The following ADCY10 variants were observed in gnomAD, a reference collection of about 807,000 sequenced individuals.
The protein encoded by ADCY10 is adenylate cyclase 10.
A neutral mutation model predicts 183.3 loss-of-function variants in ADCY10; 156 were observed. The ratio of observed to expected loss-of-function variants is 0.85; its 90% CI spans 0.75 to 0.97. The LOEUF (loss-of-function observed/expected upper bound fraction) is 0.97, where lower values mean the gene tolerates loss of function less well. Ranked by LOEUF, ADCY10 falls within the 50% of genes least tolerant of loss-of-function variation. The pLI, the probability that ADCY10 is intolerant of heterozygous loss-of-function variation, is 0.00. For missense variants in ADCY10, 1,745 were observed against 1,934.3 expected (o/e 0.90, Z 1.84); for synonymous variants, 645 against 670.0 (o/e 0.96, Z 0.58).
At chr1:167,910,323 C>A (rs1230870555) in intron 1 of ADCY10, among the ~76,000 whole-genome samples, 1 of 152,208 alleles carries the variant, frequency 6.6e-6, no homozygotes, top group East Asian at 1.9e-4. Context: ...GACTGAAGTT[C>A]ATTGACCTCT....
Position 167,854,365 on chromosome 1 carries a change from T to A in ADCY10, c.2296A>T (p.Asn766Tyr). Residue 766 changes from asparagine to tyrosine, a missense_variant, in exon 18 of 33, where the codon AAT becomes TAT. Transcript: ENST00000367851. ...ESEEKTNRTW[N>Y]NLFKYSIKLT... is the part of the protein sequence containing the mutation. ...CCGCAGGACTTACTGAACAGGTTATTCCAGGTCCTATTTGTCTTTTCCTCA... is the reference window on the plus strand; with the variant it reads ...CCGCAGGACTTACTGAACAGGTTATACCAGGTCCTATTTGTCTTTTCCTCA... The A allele has an allele frequency of 6.2e-7, 1 of 1,614,178 alleles. No individual in the cohort carries two copies. Among genetic ancestry groups the A allele is most frequent in the South Asian group, 1.1e-5 (1 of 91,082 alleles).
chr1:167,874,355 T>A (rs1667307505), intron 13 of ADCY10, among the ~76,000 whole-genome samples: 1 of 151,432 alleles, frequency 6.6e-6, no homozygotes, highest in Non-Finnish European at 1.5e-5. Context: ...AATAAATAAA[T>A]CCAAATGGCC....
intron 14 of ADCY10, among the ~76,000 whole-genome samples, chr1:167,868,904 C>G (rs1007232835): frequency 1.3e-5 from 2 of 152,144 alleles, no homozygotes; most frequent in Non-Finnish European, 2.9e-5. Context: ...ACTAATAAAA[C>G]CAGTCAAGCC....
rs367578457 is a variant in ADCY10 at position 167,854,494 on chromosome 1, A to G, written c.2172-5T>C. On this transcript the variant is annotated splice_region_variant and splice_polypyrimidine_tract_variant and intron_variant, in intron 17 of 32. Coordinates refer to ENST00000367851, the MANE Select transcript of ADCY10 (RefSeq NM_018417.6). ...CAGCTTCCCTCCCCCAGGTACCTGT[A>G]GTGAAAACAAGGCAATCTGTTTACA... The G allele has an allele frequency of 6.2e-7, 1 of 1,614,084 alleles. No homozygotes were observed. Among genetic ancestry groups the G allele is most frequent in the African/African-American group, 1.3e-5 (1 of 74,944 alleles).
At position 167,833,163 on chromosome 1, in the gene ADCY10, C is replaced by A. The variant is rs1420436125; in HGVS notation, c.3418-1G>T. ...CTATCTGGCCCATATTGAAACAGAC[C>A]TACAGGGAGGTGGGAGGGAAGAGAG... is the stretch of plus-strand genomic sequence containing the variant. On this transcript the variant is annotated splice_acceptor_variant, in intron 24 of 32. Transcript: ENST00000367851. LOFTEE classifies it high-confidence loss of function. 3 of 1,613,816 alleles carry A rather than the reference C, an allele frequency of 1.9e-6. No individual in the cohort carries two copies. The Admixed American group carries it at 5.0e-5, about 27-fold the overall frequency.
chr1:167,898,838 A>G (rs1669193932), intron 6 of ADCY10, among the ~76,000 whole-genome samples: 1 of 152,052 alleles, frequency 6.6e-6, no homozygotes, highest in East Asian at 1.9e-4. Flanking sequence ...ATCTAGCAGC[A>G]CACCTTTCTT....
chr1:167,817,894 C>A, intron 31 of ADCY10, among the ~76,000 whole-genome samples, 178 bp downstream of exon 31: 1 of 152,164 alleles, frequency 6.6e-6, no homozygotes, highest in East Asian at 1.9e-4. Flanking sequence ...AAGTACTTAT[C>A]TCTGAGTAGT....
At position 167,856,186 on chromosome 1, in the gene ADCY10, C is replaced by T. The variant is rs1665875534; in HGVS notation, c.2150G>A (p.Cys717Tyr). Residue 717 changes from cysteine (C) to tyrosine (Y), a missense_variant, in exon 17 of 33, where the codon TGC becomes TAC. Transcript: ENST00000367851. The part of the protein sequence containing the change: ...NKICLDLNVS[C>Y]ISKELDSYLG... ...TTACGAGTCCAGTTCTTTGGAGATG[C>T]AGCTCACATTGAGGTCAAGACAGAT... 6.2e-7 allele frequency: 1 copy of T among 1,613,928 alleles called. No homozygotes were observed. Among genetic ancestry groups the T allele is most frequent in the East Asian group, 2.2e-5 (1 of 44,880 alleles).
chr1:167,850,550 G>A (rs1453761822), intron 18 of ADCY10, among the ~76,000 whole-genome samples: 1 of 152,080 alleles, frequency 6.6e-6, no homozygotes, highest in African/African-American at 2.4e-5. Flanking sequence ...TGTCCCAGGA[G>A]GAGTAGACCC....
intron 25 of ADCY10, 123 bp downstream of exon 25, chr1:167,832,864 C>A: frequency 9.8e-7 from 1 of 1,020,364 alleles, no homozygotes; most frequent in South Asian, 1.4e-5. Context: ...AGTGAATGGT[C>A]AGAGCCAAAC....
intron 30 of ADCY10, chr1:167,820,492 T>A (rs1662837222): frequency 2.6e-6 from 1 of 391,270 alleles, no homozygotes; most frequent in Non-Finnish European, 4.5e-6. Context: ...ATTCTCCTGC[T>A]GAGATAGACA....
chr1:167,907,210 C>G (rs926914879), intron 1 of ADCY10, among the ~76,000 whole-genome samples: 4 of 152,214 alleles, frequency 2.6e-5, no homozygotes, highest in African/African-American at 9.6e-5. Context: ...TGGGCACATT[C>G]TCTTTTGAAT....
At chr1:167,853,148 G>A (rs1258544095) in intron 18 of ADCY10, among the ~76,000 whole-genome samples, 6 of 151,980 alleles carry the variant, frequency 3.9e-5, no homozygotes, top group East Asian at 1.9e-4. Flanking sequence ...AAATTTAGTC[G>A]CAGAGGAATA....
At chr1:167,872,168 G>T (rs761414549) in intron 13 of ADCY10, among the ~76,000 whole-genome samples, 1 of 152,002 alleles carries the variant, frequency 6.6e-6, no homozygotes, top group South Asian at 2.1e-4. Context: ...GAGAAACCCC[G>T]TCTCTATTAA....
At chr1:167,838,119 T>C (rs1438384634) in intron 21 of ADCY10, among the ~76,000 whole-genome samples, 2 of 152,218 alleles carry the variant, frequency 1.3e-5, no homozygotes, top group Non-Finnish European at 2.9e-5. Context: ...CCATACATCT[T>C]ATAGATGCAG....
intron 14 of ADCY10, among the ~76,000 whole-genome samples, chr1:167,864,895 G>GAA (rs59361245): frequency 0.3 from 38,087 of 128,990 alleles, 5,552 homozygotes; most frequent in South Asian, 0.4. Context: ...TTGCTAACAG[G>GAA]AAAAAAAAAA....
At chr1:167,813,712 T>G (rs1272862130) in intron 31 of ADCY10, among the ~76,000 whole-genome samples, 1 of 152,180 alleles carries the variant, frequency 6.6e-6, no homozygotes, top group Non-Finnish European at 1.5e-5. Context: ...TTTTTAAAAT[T>G]TAGTAGCCCA....
chr1:167,885,649 C>G (rs972819163), intron 8 of ADCY10, among the ~76,000 whole-genome samples: 1 of 152,008 alleles, frequency 6.6e-6, no homozygotes. Flanking sequence ...CGGAGTCTCA[C>G]TCTGTCACCT....
chr1:167,868,590 G>A (rs552640862), intron 14 of ADCY10, among the ~76,000 whole-genome samples: 2 of 151,586 alleles, frequency 1.3e-5, no homozygotes, highest in Admixed American at 6.6e-5. Context: ...TACTGGATAC[G>A]TGGACATAGA....
Sources: gnomAD v4.1 joint callset for allele counts (sites outside exome capture counted in the v4.1 genomes callset) on GRCh38, gnomAD v4.1.1 for gene constraint, MANE v1.5 for transcripts, NCBI Gene and HGNC (gene_info 2026-07-23, HGNC 2026-07-21) for gene names.